PAPPA2: variants seen among roughly 807,000 people sequenced by gnomAD.
The protein encoded by PAPPA2 is pappalysin 2, also known as pappalysin-2.
In PAPPA2, 86 loss-of-function variants were observed where a neutral mutation model predicts 176.4. The observed-to-expected ratio is 0.49, with a 90% CI of 0.41 to 0.58. PAPPA2 has a LOEUF of 0.58. PAPPA2 is among the 20% of genes least tolerant of loss of function. PAPPA2 has a pLI of 0.00. For synonymous variants in PAPPA2, 809 were observed against 852.2 expected (o/e 0.95, Z 0.88); for missense variants, 2,073 against 2,256.9 (o/e 0.92, Z 1.65).
chr1:176,574,700 T>C lies in PAPPA2; in HGVS notation c.919+17459T>C, dbSNP rs540825442. On this transcript the variant is annotated intron_variant, in intron 2 of 22. Coordinates refer to ENST00000367662, the MANE Select transcript of PAPPA2 (RefSeq NM_020318.3). ...TACCTAGGTAGCTTTTACTGATCCC[T>C]GTGGGTTACTTTTTCTGCAAGAAAA... 6.6e-5 allele frequency among the ~76,000 whole-genome samples: 10 copies of C among 152,354 alleles called. No homozygotes were observed. The South Asian group carries it at 2.1e-3, about 32-fold the overall frequency.
chr1:176,550,267 TTGTGGTTAG>T (rs1650869782), intron 1 of PAPPA2, among the ~76,000 whole-genome samples: 1 of 152,238 alleles, frequency 6.6e-6, no homozygotes, highest in African/African-American at 2.4e-5. Flanking sequence ...ATTCACGTTG[TTGTGGTTAG>T]AAAGAAAGAA....
intron 14 of PAPPA2, among the ~76,000 whole-genome samples, chr1:176,763,147 G>T (rs1571289901): frequency 1.3e-5 from 2 of 152,048 alleles, no homozygotes; most frequent in East Asian, 1.9e-4. Flanking sequence ...TTATATTGTT[G>T]CCCAGATCTT....
chr1:176,506,306 T>G (rs977613377), intron 1 of PAPPA2, among the ~76,000 whole-genome samples: 1 of 152,158 alleles, frequency 6.6e-6, no homozygotes, highest in Non-Finnish European at 1.5e-5. Context: ...TCTGTTCTTT[T>G]TGCTTAGTAT....
At chr1:176,726,185 T>C (rs1008291989) in intron 12 of PAPPA2, among the ~76,000 whole-genome samples, 9 of 152,220 alleles carry the variant, frequency 5.9e-5, no homozygotes, top group Admixed American at 6.5e-5. Flanking sequence ...AAACTTACCT[T>C]CTACTTCTGT....
At chr1:176,648,119 G>GT (rs1029583952) in intron 3 of PAPPA2, among the ~76,000 whole-genome samples, 2 of 151,378 alleles carry the variant, frequency 1.3e-5, no homozygotes, top group Non-Finnish European at 3.0e-5. Flanking sequence ...ATTCATCAGT[G>GT]TTTTTTATAG....
chr1:176,572,671 G>A (rs1482715368), intron 2 of PAPPA2, among the ~76,000 whole-genome samples: 9 of 152,188 alleles, frequency 5.9e-5, no homozygotes, highest in Admixed American at 2.6e-4. Context: ...GTGAATATGA[G>A]TAGGATGTGT....
At chr1:176,565,601 G>C (rs1049600021) in intron 2 of PAPPA2, among the ~76,000 whole-genome samples, 17 of 152,180 alleles carry the variant, frequency 1.1e-4, no homozygotes, top group African/African-American at 4.1e-4. Context: ...AGGCTGAGGT[G>C]GGGGGATCAC....
At chr1:176,495,396 C>T (rs975791790) in intron 1 of PAPPA2, among the ~76,000 whole-genome samples, 6 of 151,770 alleles carry the variant, frequency 4.0e-5, no homozygotes, top group South Asian at 2.1e-4. Flanking sequence ...CAAAATTAGC[C>T]GGACATGGTG....
intron 21 of PAPPA2, among the ~76,000 whole-genome samples, chr1:176,802,078 G>A (rs1665706511): frequency 6.6e-6 from 1 of 152,144 alleles, no homozygotes; most frequent in Non-Finnish European, 1.5e-5. Flanking sequence ...ACATTCTCAG[G>A]CCCCCGAATA....
intron 8 of PAPPA2, 122 bp from the exon 9 acceptor site, chr1:176,702,485 G>A (rs10753136): frequency 0.41 from 565,067 of 1,371,078 alleles, 120,862 homozygotes; most frequent in South Asian, 0.57. Context: ...ACAATGCAGC[G>A]TATGTTTAAC....
chr1:176,494,591 C>T (rs1415750590), intron 1 of PAPPA2, among the ~76,000 whole-genome samples: 2 of 152,152 alleles, frequency 1.3e-5, no homozygotes, highest in Non-Finnish European at 2.9e-5. Flanking sequence ...TTCTTACTGA[C>T]GTCAATGCAA....
At chr1:176,622,834 AAT>A (rs1467349218) in intron 3 of PAPPA2, among the ~76,000 whole-genome samples, 1 of 152,182 alleles carries the variant, frequency 6.6e-6, no homozygotes, top group African/African-American at 2.4e-5. Flanking sequence ...TAGACTGAGT[AAT>A]TTATAAACAA....
At chr1:176,478,934 A>G (rs1381227510) in intron 1 of PAPPA2, among the ~76,000 whole-genome samples, 1 of 152,218 alleles carries the variant, frequency 6.6e-6, no homozygotes, top group Non-Finnish European at 1.5e-5. Context: ...GGGCTGGATC[A>G]AGTTGGATGG....
chr1:176,623,561 TC>T (rs1280763984), intron 3 of PAPPA2, among the ~76,000 whole-genome samples: 20 of 84,246 alleles, frequency 2.4e-4, no homozygotes, highest in African/African-American at 9.8e-4. Context: ...ATTTTCCCCT[TC>T]CTTCCTTCCT....
chr1:176,783,194 A>G (rs1159271569), intron 17 of PAPPA2, among the ~76,000 whole-genome samples: 1 of 152,076 alleles, frequency 6.6e-6, no homozygotes, highest in Admixed American at 6.6e-5. Flanking sequence ...ATAGATGTAT[A>G]TTTTCCTATA....
intron 3 of PAPPA2, among the ~76,000 whole-genome samples, chr1:176,626,715 G>A (rs1656042225): frequency 6.6e-6 from 1 of 152,162 alleles, no homozygotes; most frequent in Non-Finnish European, 1.5e-5. Flanking sequence ...ATGGGGAAAA[G>A]AAGAGTGTAA....
At chr1:176,632,428 C>G (rs1656395059) in intron 3 of PAPPA2, among the ~76,000 whole-genome samples, 2 of 152,000 alleles carry the variant, frequency 1.3e-5, no homozygotes, top group African/African-American at 4.8e-5. Context: ...ACTCCGGAGG[C>G]TGAGGCAGGA....
chr1:176,596,633 T>C (rs1039994205), intron 3 of PAPPA2, among the ~76,000 whole-genome samples: 1 of 152,236 alleles, frequency 6.6e-6, no homozygotes, highest in African/African-American at 2.4e-5. Flanking sequence ...TTTTCCCCTA[T>C]TTGGAATATC....
intron 1 of PAPPA2, among the ~76,000 whole-genome samples, chr1:176,464,030 A>G (rs1161611229): frequency 5.3e-5 from 8 of 152,230 alleles, no homozygotes; most frequent in Non-Finnish European, 1.2e-4. Context: ...TGGAACAGAC[A>G]GAAGTGATAA....
Sources: gnomAD v4.1 joint callset for allele counts (sites outside exome capture counted in the v4.1 genomes callset) on GRCh38, gnomAD v4.1.1 for gene constraint, MANE v1.5 for transcripts, NCBI Gene and HGNC (gene_info 2026-07-23, HGNC 2026-07-21) for gene names.